PCDH15: variants seen among roughly 807,000 people sequenced by gnomAD.
The protein encoded by PCDH15 is protocadherin related 15.
In PCDH15, 129 loss-of-function variants were observed where a neutral mutation model predicts 178.5. That is an observed-to-expected ratio of 0.72 (90% CI 0.63 to 0.84). The LOEUF (loss-of-function observed/expected upper bound fraction) is 0.84, where lower values mean the gene tolerates loss of function less well. Ranked by LOEUF, PCDH15 falls within the 40% of genes least tolerant of loss-of-function variation. PCDH15 has a pLI of 0.00. For missense variants in PCDH15, 2,230 were observed against 2,099.9 expected, an observed-to-expected ratio of 1.06 and a Z score of -1.21; for synonymous variants, 800 against 732.0, an observed-to-expected ratio of 1.09 and a Z score of -1.50.
intron 8 of PCDH15, among the ~76,000 whole-genome samples, chr10:54,264,665 A>T (rs1397162443): frequency 1.3e-5 from 2 of 152,218 alleles, no homozygotes; most frequent in Non-Finnish European, 2.9e-5. Context: ...GAAAAAATTC[A>T]TAGCTTGAAG....
At chr10:54,344,925 A>G (rs956472654) in intron 6 of PCDH15, among the ~76,000 whole-genome samples, 18 of 140,424 alleles carry the variant, frequency 1.3e-4, no homozygotes, top group African/African-American at 2.6e-5. Flanking sequence ...AAAAAAAAAA[A>G]ACAAGACTCT....
intron 2 of PCDH15, among the ~76,000 whole-genome samples, chr10:54,925,618 T>C (rs1210451865): frequency 1.3e-5 from 2 of 152,134 alleles, no homozygotes; most frequent in Non-Finnish European, 2.9e-5. Context: ...TGGGAATTCT[T>C]TGAGCAGTGT....
intron 2 of PCDH15, among the ~76,000 whole-genome samples, chr10:54,578,459 CA>C: frequency 6.6e-6 from 1 of 151,996 alleles, no homozygotes; most frequent in Non-Finnish European, 1.5e-5. Context: ...ATGATTTTAG[CA>C]GATTTTTGTA....
chr10:53,952,354 C>T (rs2087151831), intron 23 of PCDH15, among the ~76,000 whole-genome samples: 3 of 152,170 alleles, frequency 2.0e-5, no homozygotes, highest in Admixed American at 6.5e-5. Flanking sequence ...AAATAGGCAG[C>T]TCCTATATGC....
chr10:55,526,166 G>C (rs1161750432), intron 2 of PCDH15, among the ~76,000 whole-genome samples: 3 of 151,934 alleles, frequency 2.0e-5, no homozygotes, highest in Non-Finnish European at 4.4e-5. Flanking sequence ...AGACAAGACA[G>C]TGGTTGTATT....
chr10:53,897,422 T>A (rs2082024841), intron 26 of PCDH15, among the ~76,000 whole-genome samples: 1 of 152,188 alleles, frequency 6.6e-6, no homozygotes, highest in African/African-American at 2.4e-5. Context: ...GTTTAAAAAA[T>A]TTTAAAGTTT....
chr10:54,223,456 G>A (rs1175732979), intron 9 of PCDH15, among the ~76,000 whole-genome samples: 6 of 124,718 alleles, frequency 4.8e-5, no homozygotes, highest in African/African-American at 1.2e-4. Context: ...TGTGAGGTAC[G>A]GATTGAAGTT....
chr10:55,547,346 C>T (rs1841906537), intron 2 of PCDH15, among the ~76,000 whole-genome samples: 1 of 152,040 alleles, frequency 6.6e-6, no homozygotes, highest in Non-Finnish European at 1.5e-5. Flanking sequence ...GAGTAAGATG[C>T]TGTGAGGACC....
chr10:54,806,188 T>C (rs1034467037), upstream of PCDH15, among the ~76,000 whole-genome samples: 2 of 152,200 alleles, frequency 1.3e-5, no homozygotes, highest in Admixed American at 1.3e-4. Flanking sequence ...ATAGTTTAAT[T>C]GGTTTAAACA....
intron 3 of PCDH15, among the ~76,000 whole-genome samples, chr10:54,446,257 CT>C: frequency 6.6e-6 from 1 of 151,744 alleles, no homozygotes; most frequent in South Asian, 2.1e-4. Context: ...GAAGGTTGAA[CT>C]ATTTGCTATA....
intron 1 of PCDH15, among the ~76,000 whole-genome samples, chr10:55,230,495 T>G (rs528657820): frequency 9.9e-4 from 151 of 152,214 alleles, no homozygotes; most frequent in Non-Finnish European, 2.0e-3. Context: ...TTTAATACAT[T>G]AACATTTATT....
intron 26 of PCDH15, among the ~76,000 whole-genome samples, chr10:53,881,329 A>T (rs1228457523): frequency 2.0e-5 from 3 of 152,270 alleles, no homozygotes; most frequent in African/African-American, 4.8e-5. Flanking sequence ...GAGAGGGTGA[A>T]GGATGAGAAA....
At chr10:55,136,122 C>T (rs1373523810) in intron 2 of PCDH15, among the ~76,000 whole-genome samples, 1 of 151,940 alleles carries the variant, frequency 6.6e-6, no homozygotes, top group African/African-American at 2.4e-5. Context: ...AATAATAATC[C>T]TAGTATGTTA....
At chr10:55,612,037 A>G (rs1843377837) in intron 2 of PCDH15, among the ~76,000 whole-genome samples, 2 of 152,090 alleles carry the variant, frequency 1.3e-5, no homozygotes, top group African/African-American at 2.4e-5. Context: ...ATAGACAGAA[A>G]AAGAAGATGT....
At chr10:55,423,292 C>T (rs1838669506) in intron 2 of PCDH15, among the ~76,000 whole-genome samples, 1 of 151,856 alleles carries the variant, frequency 6.6e-6, no homozygotes, top group African/African-American at 2.4e-5. Context: ...AAAGAAAAGG[C>T]AACAGAATTC....
chr10:54,828,072 C>T (rs1393697872), intron 3 of PCDH15, among the ~76,000 whole-genome samples: 1 of 151,954 alleles, frequency 6.6e-6, no homozygotes, highest in Non-Finnish European at 1.5e-5. Context: ...AATGCTGTGG[C>T]TTATCAACTA....
intron 1 of PCDH15, among the ~76,000 whole-genome samples, chr10:54,705,963 G>A (rs2095361223): frequency 6.6e-6 from 1 of 152,106 alleles, no homozygotes; most frequent in African/African-American, 2.4e-5. Flanking sequence ...TCAGAGAGTG[G>A]AGATTAGGCA....
intron 2 of PCDH15, among the ~76,000 whole-genome samples, chr10:55,434,246 A>AT (rs971290737): frequency 6.7e-6 from 1 of 149,818 alleles, no homozygotes; most frequent in Non-Finnish European, 1.5e-5. Flanking sequence ...TTTTTTTTGT[A>AT]TTTTTAGTAG....
At chr10:54,971,486 T>C (rs1838929582) in intron 2 of PCDH15, among the ~76,000 whole-genome samples, 1 of 152,178 alleles carries the variant, frequency 6.6e-6, no homozygotes, top group African/African-American at 2.4e-5. Flanking sequence ...CAGTAAGAAA[T>C]AAATTTCTCT....
Sources: gnomAD v4.1 joint callset for allele counts (sites outside exome capture counted in the v4.1 genomes callset) on GRCh38, gnomAD v4.1.1 for gene constraint, MANE v1.5 for transcripts, NCBI Gene and HGNC (gene_info 2026-07-23, HGNC 2026-07-21) for gene names.